PUM2: variants seen among roughly 807,000 people sequenced by gnomAD.
PUM2 encodes the protein pumilio RNA binding family member 2, also known as pumilio homolog 2.
A neutral mutation model predicts 124.5 loss-of-function variants in PUM2; 57 were observed. The ratio of observed to expected loss-of-function variants is 0.46; its 90% CI spans 0.37 to 0.57. The LOEUF is 0.57. Ranked by LOEUF, PUM2 falls within the 20% of genes least tolerant of loss-of-function variation. The pLI is 0.00. For missense variants in PUM2, 1,065 were observed against 1,290.6 expected (o/e 0.83, Z 2.68); for synonymous variants, 460 against 446.1 (o/e 1.03, Z -0.39).
intron 2 of PUM2, 64 bp downstream of exon 2, chr2:20,327,246 A>G: frequency 1.6e-6 from 2 of 1,231,046 alleles, no homozygotes; most frequent in Non-Finnish European, 2.3e-6. Context: ...TTAAAAAAAA[A>G]AAATAAGTTA....
chr2:20,326,886 T>C (rs760562929), intron 2 of PUM2, among the ~76,000 whole-genome samples: 5 of 152,106 alleles, frequency 3.3e-5, no homozygotes, highest in African/African-American at 1.2e-4. Context: ...TCGAGTCTTG[T>C]AGAAGATTAG....
At chr2:20,274,985 TCTATCCTAGACAATGATGTATAAAACAA>T (rs1669904893) in intron 13 of PUM2, among the ~76,000 whole-genome samples, 3 of 10,790 alleles carry the variant, frequency 2.8e-4, no homozygotes, top group African/African-American at 6.8e-4. Context: ...GATGCTTACT[TCTATCCTAGACAATGATGTATAAAACAA>T]CTGTAGGTAG....
intron 13 of PUM2, among the ~76,000 whole-genome samples, chr2:20,272,673 G>A (rs900597739): frequency 1.3e-5 from 2 of 151,906 alleles, no homozygotes; most frequent in African/African-American, 4.8e-5. Context: ...TTCATTTTTT[G>A]CATCAGCTTA....
intron 1 of PUM2, among the ~76,000 whole-genome samples, chr2:20,329,160 C>G (rs1572957797): frequency 7.5e-6 from 1 of 133,936 alleles, no homozygotes; most frequent in South Asian, 2.3e-4. Flanking sequence ...GGCGACAGAG[C>G]AAGACCCTGT....
chr2:20,326,348 T>A (rs1478235096), intron 2 of PUM2: 12 of 1,304,260 alleles, frequency 9.2e-6, no homozygotes, highest in Non-Finnish European at 1.2e-5. Flanking sequence ...GGGTGCCCTC[T>A]TGTGGCCCAA....
intron 13 of PUM2, among the ~76,000 whole-genome samples, chr2:20,277,518 T>G (rs1404838248): frequency 6.6e-6 from 1 of 152,140 alleles, no homozygotes; most frequent in Admixed American, 6.5e-5. Flanking sequence ...AAAAGAAATC[T>G]AGCCCAGTGT....
Position 20,312,547 on chromosome 2 carries a change from T to C in PUM2, c.161-124A>G, listed in dbSNP as rs1679858635. On this transcript the variant is annotated intron_variant, in intron 3 of 20. Transcript: ENST00000361078. ...TTTATTTTGAATGTTATTACTATAA[T>C]CTTTATATAAAGCTCTTCATAGGAC... 6.7e-6 allele frequency: 6 copies of C among 891,490 alleles called. No homozygotes were observed. The Admixed American group carries it at 1.7e-4, about 26-fold the overall frequency. 55.2% of individuals were successfully genotyped at this position (891,490 alleles called of 1,614,324 possible). A position where few individuals can be genotyped will look rare whatever the true frequency, so the allele number is the denominator to read the frequency against.
intron 1 of PUM2, among the ~76,000 whole-genome samples, chr2:20,340,679 C>A (rs1029426638): frequency 6.6e-5 from 10 of 152,060 alleles, no homozygotes; most frequent in African/African-American, 2.4e-4. Flanking sequence ...TGATGCTTTC[C>A]CTCTGCAGAT....
chr2:20,336,683 G>GTATT (rs766481846), intron 1 of PUM2, among the ~76,000 whole-genome samples: 2 of 49,476 alleles, frequency 4.0e-5, no homozygotes, highest in East Asian at 1.8e-3. Context: ...TGGCTAATTT[G>GTATT]TGTGTGTGTG....
chr2:20,250,516 T>C lies in PUM2; in HGVS notation c.*1069A>G, dbSNP rs1010979220. On this transcript the variant is annotated 3_prime_UTR_variant, in exon 21 of 21. Coordinates refer to ENST00000361078, the MANE Select transcript of PUM2 (RefSeq NM_015317.5). ...TTAGCAAGGCTTTTATAATAAACAT[T>C]GAAACAAGATTTCCTTTCAAAGTGT... The C allele has an allele frequency of 6.6e-6, 1 of 152,346 alleles. No homozygotes were observed. The highest frequency in any genetic ancestry group is 6.5e-5 in the Admixed American group (1 of 15,278). The allele number at this position is 152,346 out of a possible 1,614,324, so 9.4% of individuals were successfully genotyped here. A position where few individuals can be genotyped will look rare whatever the true frequency, so the allele number is the denominator to read the frequency against.
chr2:20,328,501 A>G (rs11893790), intron 1 of PUM2, among the ~76,000 whole-genome samples: 1 of 152,202 alleles, frequency 6.6e-6, no homozygotes, highest in Non-Finnish European at 1.5e-5. Flanking sequence ...TCAATTAATA[A>G]CCACTCCAAG....
intron 12 of PUM2, among the ~76,000 whole-genome samples, chr2:20,280,729 G>C (rs1012259158): frequency 6.6e-6 from 1 of 152,082 alleles, no homozygotes; most frequent in Non-Finnish European, 1.5e-5. Context: ...ATCTCCAACA[G>C]TATGACTATG....
At chr2:20,312,619 A>G (rs898879333) in intron 3 of PUM2, among the ~76,000 whole-genome samples, 196 bp from the exon 4 acceptor site, 10 of 152,186 alleles carry the variant, frequency 6.6e-5, no homozygotes, top group African/African-American at 1.7e-4. Context: ...GGAATAATCA[A>G]TATCATGAAA....
intron 8 of PUM2, among the ~76,000 whole-genome samples, chr2:20,297,321 C>T (rs1383692578): frequency 6.6e-6 from 1 of 152,110 alleles, no homozygotes; most frequent in African/African-American, 2.4e-5. Flanking sequence ...AACTATAAAG[C>T]TGAAATGTAA....
intron 13 of PUM2, among the ~76,000 whole-genome samples, chr2:20,275,376 TAAAGG>T (rs916273067): frequency 3.3e-5 from 5 of 151,994 alleles, no homozygotes; most frequent in African/African-American, 4.8e-5. Flanking sequence ...ATTCTGAAAG[TAAAGG>T]AAAGAATCTT....
intron 1 of PUM2, 69 bp from the exon 2 acceptor site, chr2:20,327,447 A>G (rs766068030): frequency 1.0e-5 from 10 of 963,768 alleles, no homozygotes; most frequent in Non-Finnish European, 1.6e-5. Context: ...CTATTTTTAT[A>G]TTATATTGCT....
intron 1 of PUM2, among the ~76,000 whole-genome samples, chr2:20,329,676 A>G (rs933167780): frequency 1.3e-5 from 2 of 152,104 alleles, no homozygotes; most frequent in African/African-American, 2.4e-5. Flanking sequence ...CACTGCTACT[A>G]GGTAAAACGG....
At chr2:20,280,671 TTAAATA>T (rs1671298029) in intron 12 of PUM2, among the ~76,000 whole-genome samples, 1 of 152,144 alleles carries the variant, frequency 6.6e-6, no homozygotes. Flanking sequence ...AGAAATAACC[TTAAATA>T]TAAAGAAGCT....
chr2:20,326,354 C>T, intron 2 of PUM2: 1 of 1,304,174 alleles, frequency 7.7e-7, no homozygotes, highest in South Asian at 1.2e-5. Flanking sequence ...CCTCTTGTGG[C>T]CCAAAGGAGA....
Sources: gnomAD v4.1 joint callset for allele counts (sites outside exome capture counted in the v4.1 genomes callset) on GRCh38, gnomAD v4.1.1 for gene constraint, MANE v1.5 for transcripts, NCBI Gene and HGNC (gene_info 2026-07-23, HGNC 2026-07-21) for gene names.